The following MAF variants were observed in gnomAD, a reference collection of about 807,000 sequenced individuals.
MAF encodes the protein transcription factor Maf.
In MAF, 10 loss-of-function variants were observed where a neutral mutation model predicts 22.0. That is an observed-to-expected ratio of 0.45 (90% CI 0.28 to 0.77). The LOEUF (loss-of-function observed/expected upper bound fraction) is 0.77. Among genes scored for constraint, MAF ranks in the 30% least tolerant of loss-of-function variants. The pLI is 0.12. For missense variants in MAF, 544 were observed against 548.4 expected (o/e 0.99, Z 0.08); for synonymous variants, 337 against 255.8 (o/e 1.32, Z -3.03).
downstream of MAF, among the ~76,000 whole-genome samples, chr16:79,581,819 T>C (rs1197074526): frequency 6.6e-6 from 1 of 152,214 alleles, no homozygotes; most frequent in Non-Finnish European, 1.5e-5. Flanking sequence ...TAATTACGTG[T>C]TAATGTCATT....
At chr16:79,213,561 T>G in the MAF span, among the ~76,000 whole-genome samples, 96,375 of 152,118 alleles carry the variant, frequency 0.63, 31,355 homozygotes, top group Non-Finnish European at 0.7. Context: ...GGAAAGTGCT[T>G]TGCACTGGGG....
the MAF span, among the ~76,000 whole-genome samples, chr16:79,348,162 A>G: frequency 6.6e-6 from 1 of 152,244 alleles, no homozygotes; most frequent in East Asian, 1.9e-4. Context: ...ACGGCCTCAG[A>G]GGGGGAAAGA....
At chr16:79,290,145 C>A in the MAF span, among the ~76,000 whole-genome samples, 1 of 152,148 alleles carries the variant, frequency 6.6e-6, no homozygotes, top group Admixed American at 6.5e-5. Flanking sequence ...GCCTGAGCCA[C>A]TGTGCTCAGC....
At chr16:79,441,724 G>A in the MAF span, among the ~76,000 whole-genome samples, 10 of 152,222 alleles carry the variant, frequency 6.6e-5, no homozygotes, top group Admixed American at 6.5e-4. Context: ...TCCTTCCATA[G>A]CAAGAAGAAA....
At chr16:79,356,385 T>C in the MAF span, among the ~76,000 whole-genome samples, 50 of 152,358 alleles carry the variant, frequency 3.3e-4, no homozygotes, top group African/African-American at 1.2e-3. Context: ...CCTGGTTTTG[T>C]TGAAACCAAT....
chr16:79,458,261 C>T, the MAF span, among the ~76,000 whole-genome samples: 36 of 152,026 alleles, frequency 2.4e-4, no homozygotes, highest in South Asian at 7.3e-3. Flanking sequence ...CCTGGGACAC[C>T]TGAGTTTCTT....
chr16:79,468,179 C>T, the MAF span, among the ~76,000 whole-genome samples: 4 of 152,092 alleles, frequency 2.6e-5, no homozygotes, highest in Non-Finnish European at 4.4e-5. Context: ...TGCAGAGGGC[C>T]CTGCACATAC....
the MAF span, among the ~76,000 whole-genome samples, chr16:79,391,038 T>A: frequency 1.3e-5 from 2 of 152,212 alleles, no homozygotes; most frequent in African/African-American, 4.8e-5. Context: ...CAGGGTCCAC[T>A]GCTGCCTCTC....
the MAF span, among the ~76,000 whole-genome samples, chr16:79,528,048 A>T: frequency 6.6e-6 from 1 of 152,146 alleles, no homozygotes; most frequent in Admixed American, 6.5e-5. Flanking sequence ...GAGGCTGAGC[A>T]GGAGAATCAC....
the MAF span, among the ~76,000 whole-genome samples, chr16:79,248,831 A>G: frequency 6.6e-6 from 1 of 152,148 alleles, no homozygotes; most frequent in African/African-American, 2.4e-5. Context: ...TGAGCTGAAT[A>G]TCTCTATTAA....
the MAF span, among the ~76,000 whole-genome samples, chr16:79,477,810 C>T: frequency 1.2e-4 from 19 of 152,150 alleles, no homozygotes; most frequent in Admixed American, 3.9e-4. Flanking sequence ...CCACAACCTC[C>T]GCCTCCTGGG....
the MAF span, among the ~76,000 whole-genome samples, chr16:79,502,266 A>G: frequency 3.3e-5 from 5 of 152,140 alleles, no homozygotes; most frequent in African/African-American, 1.2e-4. Flanking sequence ...GCCTCAGGTT[A>G]CCCATGGCTA....
intron 1 of MAF, chr16:79,597,820 A>C (rs1013743760): frequency 2.0e-6 from 2 of 1,020,790 alleles, no homozygotes; most frequent in Admixed American, 5.8e-5. Context: ...TTATTAATAT[A>C]ATGTCTCTTT....
chr16:79,545,757 G>A, the MAF span, among the ~76,000 whole-genome samples: 1 of 152,076 alleles, frequency 6.6e-6, no homozygotes, highest in East Asian at 1.9e-4. Context: ...GATGGGGAGT[G>A]GGGGAGATGT....
At chr16:79,559,160 G>C in the MAF span, among the ~76,000 whole-genome samples, 1 of 152,190 alleles carries the variant, frequency 6.6e-6, no homozygotes, top group Non-Finnish European at 1.5e-5. Context: ...GGCTTAGCTA[G>C]TAACCGGCTT....
At chr16:79,442,390 G>C in the MAF span, among the ~76,000 whole-genome samples, 1 of 151,912 alleles carries the variant, frequency 6.6e-6, no homozygotes, top group Non-Finnish European at 1.5e-5. Flanking sequence ...TTTTATTTTA[G>C]AAACAGGCTC....
the MAF span, among the ~76,000 whole-genome samples, chr16:79,571,592 G>C: frequency 6.9e-6 from 1 of 144,640 alleles, no homozygotes; most frequent in Non-Finnish European, 1.5e-5. Flanking sequence ...CCATAAAATG[G>C]GAAACTGTTA....
the MAF span, among the ~76,000 whole-genome samples, chr16:79,564,963 C>T: frequency 0.064 from 9,681 of 152,202 alleles, 374 homozygotes; most frequent in Middle Eastern, 0.11. Flanking sequence ...TGTGGTACCT[C>T]GAACCTTACA....
the MAF span, among the ~76,000 whole-genome samples, chr16:79,471,955 T>C: frequency 6.6e-6 from 1 of 152,182 alleles, no homozygotes; most frequent in African/African-American, 2.4e-5. Flanking sequence ...GCTTTCTCCC[T>C]CATGCGTAAG....
Sources: allele counts gnomAD v4.1 joint callset (sites outside exome capture counted in the v4.1 genomes callset), GRCh38; gene constraint gnomAD v4.1.1; transcripts MANE v1.5; gene names NCBI Gene and HGNC (gene_info 2026-07-23, HGNC 2026-07-21).